CCDC83: variants seen among roughly 807,000 people sequenced by gnomAD.
The protein encoded by CCDC83 is coiled-coil domain-containing protein 83.
In CCDC83, 54 loss-of-function variants were observed where a neutral mutation model predicts 50.1. That is an observed-to-expected ratio of 1.08 (90% CI 0.87 to 1.35). The LOEUF (loss-of-function observed/expected upper bound fraction) is 1.35, where lower values mean the gene tolerates loss of function less well. Ranked by LOEUF, CCDC83 falls within the 40% of genes most tolerant of loss-of-function variation. The pLI is 0.00. For synonymous variants in CCDC83, 161 were observed against 153.3 expected (o/e 1.05, Z -0.37); for missense variants, 518 against 473.9 (o/e 1.09, Z -0.86).
intron 3 of CCDC83, among the ~76,000 whole-genome samples, chr11:85,881,751 G>A (rs572181115): frequency 6.6e-6 from 1 of 152,272 alleles, no homozygotes; most frequent in South Asian, 2.1e-4. Context: ...GGTATGCCCT[G>A]TATGCTAATT....
At chr11:85,885,197 G>A (rs948815613) in intron 4 of CCDC83, among the ~76,000 whole-genome samples, 1 of 151,760 alleles carries the variant, frequency 6.6e-6, no homozygotes, top group Non-Finnish European at 1.5e-5. Context: ...CTGAGTGACA[G>A]AGCAAAACTC....
intron 5 of CCDC83, among the ~76,000 whole-genome samples, chr11:85,888,650 A>G (rs902991594): frequency 7.9e-5 from 12 of 152,144 alleles, no homozygotes; most frequent in South Asian, 2.1e-4. Flanking sequence ...TTTTACGTTT[A>G]TGAGATTATG....
chr11:85,912,624 T>A, intron 8 of CCDC83: 1 of 1,436,242 alleles, frequency 7.0e-7, no homozygotes, highest in South Asian at 1.1e-5. Context: ...TGCTCACTTT[T>A]GCCAGCCCTC....
intron 1 of CCDC83, among the ~76,000 whole-genome samples, chr11:85,860,376 A>G (rs909515276): frequency 1.3e-5 from 2 of 152,080 alleles, no homozygotes; most frequent in South Asian, 4.1e-4. Context: ...CATGTGGCCA[A>G]CAAATATATG....
intron 2 of CCDC83, among the ~76,000 whole-genome samples, chr11:85,867,983 A>G (rs893474642): frequency 6.6e-6 from 1 of 151,466 alleles, no homozygotes; most frequent in African/African-American, 2.5e-5. Context: ...ACACATAGCC[A>G]AGACATTTCC....
chr11:85,908,570 G>A (rs1411276784), intron 7 of CCDC83, among the ~76,000 whole-genome samples: 1 of 143,224 alleles, frequency 7.0e-6, no homozygotes, highest in Non-Finnish European at 1.5e-5. Flanking sequence ...TAGATAGATA[G>A]ATAGATAGAT....
chr11:85,892,835 ATAAG>A (rs1169241903), intron 5 of CCDC83, among the ~76,000 whole-genome samples: 3 of 152,250 alleles, frequency 2.0e-5, no homozygotes, highest in African/African-American at 7.2e-5. Flanking sequence ...ATTAGTTCAA[ATAAG>A]TAAGAAAAAC....
intron 7 of CCDC83, among the ~76,000 whole-genome samples, chr11:85,900,028 G>A (rs924339779): frequency 6.6e-6 from 1 of 152,184 alleles, no homozygotes; most frequent in Non-Finnish European, 1.5e-5. Flanking sequence ...AGATGTGAGA[G>A]TATGTTGTTG....
chr11:85,915,439 C>A lies in CCDC83; in HGVS notation c.815C>A (p.Ala272Asp), dbSNP rs761056874. 6.2e-7 allele frequency: 1 copy of A among 1,613,190 alleles called. No homozygotes were observed. The highest frequency in any genetic ancestry group is 8.5e-7 in the Non-Finnish European group (1 of 1,179,498). The change falls in exon 9 of 11, where the codon GCT (alanine) becomes GAT (aspartate). Residue 272 changes from alanine to aspartate, a missense_variant. Physicochemically the swap from Ala to Asp is moderately radical, Grantham distance 126. Coordinates refer to ENST00000342404, the MANE Select transcript of CCDC83 (RefSeq NM_001286159.2). ...KIPRRLYLTQ[A>D]AGLEVPPEEM... ...TTTAGGCGACTATATCTTACCCAAG[C>A]TGCTGGACTAGAAGTGCCACCTGAA...
At chr11:85,872,486 AAACAAC>A (rs141997473) in intron 2 of CCDC83, among the ~76,000 whole-genome samples, 3 of 151,716 alleles carry the variant, frequency 2.0e-5, no homozygotes, top group Non-Finnish European at 2.9e-5. Context: ...TTCCATCTCA[AAACAAC>A]AACAACAACA....
intron 7 of CCDC83, among the ~76,000 whole-genome samples, chr11:85,906,715 CA>C (rs1269728854): frequency 1.5e-4 from 23 of 149,132 alleles, no homozygotes; most frequent in Admixed American, 9.4e-4. Context: ...CACATCTCTA[CA>C]AAAAAAAAAT....
At chr11:85,864,030 A>G (rs1188013725) in intron 1 of CCDC83, among the ~76,000 whole-genome samples, 2 of 152,206 alleles carry the variant, frequency 1.3e-5, no homozygotes, top group South Asian at 2.1e-4. Flanking sequence ...AAGTTCCTCA[A>G]AAAGATTAAG....
intron 6 of CCDC83, among the ~76,000 whole-genome samples, chr11:85,898,234 T>C (rs1287451179): frequency 6.6e-6 from 1 of 152,176 alleles, no homozygotes; most frequent in Non-Finnish European, 1.5e-5. Context: ...GTTTGTGATC[T>C]AGATTATTTT....
intron 3 of CCDC83, among the ~76,000 whole-genome samples, chr11:85,878,339 C>T (rs2093279657): frequency 6.6e-6 from 1 of 152,234 alleles, no homozygotes; most frequent in Admixed American, 6.5e-5. Context: ...ACTCCCCTCC[C>T]AGTTCTGCCC....
chr11:85,896,264 C>A (rs1171736215), intron 6 of CCDC83, among the ~76,000 whole-genome samples: 1 of 151,832 alleles, frequency 6.6e-6, no homozygotes, highest in Non-Finnish European at 1.5e-5. Context: ...CCTGTCTCAG[C>A]TAGTCCCAGC....
chr11:85,884,116 C>T (rs894092696), intron 4 of CCDC83, among the ~76,000 whole-genome samples: 16 of 152,106 alleles, frequency 1.1e-4, no homozygotes, highest in African/African-American at 3.9e-4. Context: ...TTGAGATGCG[C>T]CTGTTGATGG....
rs1186989599 is a variant in CCDC83 at position 85,916,425 on chromosome 11, TA to T, written c.1080+193del. On this transcript the variant is annotated intron_variant, in intron 10 of 10. Transcript: ENST00000342404. ...TCCTACTCTTGCCCAATTTGCTACC[TA>T]TATTCCTCTATAGGCCTCCATTAAT... The T allele has an allele frequency of 3.3e-5, 19 of 573,714 alleles. No homozygotes were observed. In the African/African-American group the frequency reaches 3.4e-4, roughly 10 times the overall value. The allele number at this position is 573,714 out of a possible 1,614,324, so 35.5% of individuals were successfully genotyped here. A position where few individuals can be genotyped will look rare whatever the true frequency, so the allele number is the denominator to read the frequency against.
intron 7 of CCDC83, among the ~76,000 whole-genome samples, chr11:85,899,584 T>A (rs1007491952): frequency 6.6e-6 from 1 of 152,226 alleles, no homozygotes; most frequent in African/African-American, 2.4e-5. Context: ...CATTTTGTAA[T>A]CTCTCCAGGA....
intron 7 of CCDC83, among the ~76,000 whole-genome samples, chr11:85,908,608 T>C (rs7123841): frequency 0.25 from 33,292 of 133,174 alleles, 4,066 homozygotes; most frequent in Middle Eastern, 0.29. Flanking sequence ...GATAGATAGA[T>C]AGACAGATAG....
Sources: allele counts gnomAD v4.1 joint callset (sites outside exome capture counted in the v4.1 genomes callset), GRCh38; gene constraint gnomAD v4.1.1; transcripts MANE v1.5; gene names NCBI Gene and HGNC (gene_info 2026-07-23, HGNC 2026-07-21).